Variants in SAMD12 observed in about 807,000 individuals in gnomAD.
SAMD12 encodes sterile alpha motif domain containing 12.
SAMD12 carries 9 observed loss-of-function variants against 15.0 expected under a neutral mutation model. The ratio of observed to expected loss-of-function variants is 0.60; its 90% CI spans 0.36 to 1.05. SAMD12 has a LOEUF of 1.05. Ranked by LOEUF, SAMD12 falls within the 50% of genes least tolerant of loss-of-function variation. SAMD12 has a pLI of 0.01. For synonymous variants in SAMD12, 86 were observed against 90.1 expected, an observed-to-expected ratio of 0.96 and a Z score of 0.25; for missense variants, 230 against 234.2, an observed-to-expected ratio of 0.98 and a Z score of 0.12.
intron 2 of SAMD12, among the ~76,000 whole-genome samples, chr8:118,452,422 C>T (rs1358429591): frequency 6.6e-6 from 1 of 152,156 alleles, no homozygotes; most frequent in East Asian, 1.9e-4. Flanking sequence ...TTACTTTATA[C>T]ATATTCTTAT....
chr8:118,278,913 AT>A (rs1164941397), intron 4 of SAMD12, among the ~76,000 whole-genome samples: 2 of 152,204 alleles, frequency 1.3e-5, no homozygotes, highest in African/African-American at 4.8e-5. Flanking sequence ...ACTCGAGGTG[AT>A]AAAAGGCTCT....
intron 2 of SAMD12, among the ~76,000 whole-genome samples, chr8:118,567,968 TGTTA>T (rs1156954590): frequency 3.9e-5 from 6 of 152,362 alleles, no homozygotes; most frequent in Admixed American, 2.0e-4. Flanking sequence ...TAGATATGGC[TGTTA>T]GTATCAAAGA....
chr8:118,497,333 C>T (rs2515025), intron 2 of SAMD12, among the ~76,000 whole-genome samples: 83,456 of 152,030 alleles, frequency 0.55, 24,338 homozygotes, highest in African/African-American at 0.76. Flanking sequence ...TGCCAATCAA[C>T]GGTGGACTGG....
chr8:118,240,955 C>A (rs1812549206), intron 4 of SAMD12, among the ~76,000 whole-genome samples: 1 of 152,014 alleles, frequency 6.6e-6, no homozygotes, highest in African/African-American at 2.4e-5. Context: ...CCTCTATCAC[C>A]CCATCATTCA....
At chr8:118,279,732 T>C (rs1015053337) in intron 4 of SAMD12, among the ~76,000 whole-genome samples, 2 of 152,236 alleles carry the variant, frequency 1.3e-5, no homozygotes, top group African/African-American at 4.8e-5. Context: ...ATTTTCATGT[T>C]ATAATCTGGA....
intron 4 of SAMD12, among the ~76,000 whole-genome samples, chr8:118,272,270 A>G (rs1813375490): frequency 6.6e-6 from 1 of 152,222 alleles, no homozygotes; most frequent in Non-Finnish European, 1.5e-5. Context: ...CAAGAGCCTG[A>G]GCTGTACCTT....
chr8:118,346,632 CA>C (rs1456730569), intron 4 of SAMD12, among the ~76,000 whole-genome samples: 13 of 152,184 alleles, frequency 8.5e-5, no homozygotes, highest in African/African-American at 2.9e-4. Context: ...TCTCTAAGAG[CA>C]ACCCCAGGTT....
At chr8:118,392,964 A>G (rs796896206) in intron 3 of SAMD12, among the ~76,000 whole-genome samples, 50 of 152,280 alleles carry the variant, frequency 3.3e-4, no homozygotes, top group African/African-American at 1.2e-3. Flanking sequence ...TGATTCACCA[A>G]ATGTTAACTC....
At chr8:118,368,640 C>T (rs566164998) in intron 4 of SAMD12, among the ~76,000 whole-genome samples, 9 of 152,182 alleles carry the variant, frequency 5.9e-5, no homozygotes, top group Admixed American at 1.3e-4. Context: ...TTTGTAGCTA[C>T]GTTTATTTTC....
chr8:118,553,178 C>A (rs1216627390), intron 2 of SAMD12, among the ~76,000 whole-genome samples: 1 of 152,130 alleles, frequency 6.6e-6, no homozygotes, highest in Admixed American at 6.6e-5. Flanking sequence ...TTGGAAAAAA[C>A]TACTTTAAAG....
intron 2 of SAMD12, among the ~76,000 whole-genome samples, chr8:118,537,183 T>C (rs1181967352): frequency 1.3e-5 from 2 of 152,204 alleles, no homozygotes; most frequent in Admixed American, 6.5e-5. Context: ...ATTTGTTTCT[T>C]TTCTCTTGGT....
intron 2 of SAMD12, among the ~76,000 whole-genome samples, chr8:118,468,850 T>C (rs138961252): frequency 6.6e-6 from 1 of 152,308 alleles, no homozygotes; most frequent in East Asian, 1.9e-4. Context: ...GCTAAGGAGA[T>C]ATAGCACGGT....
intron 4 of SAMD12, chr8:118,288,436 T>G (rs1453747558): frequency 1.3e-5 from 2 of 152,196 alleles, no homozygotes; most frequent in Non-Finnish European, 2.9e-5. Flanking sequence ...CCTTACACAC[T>G]CTTCCTCATC....
intron 4 of SAMD12, among the ~76,000 whole-genome samples, chr8:118,320,729 A>C (rs1454408958): frequency 6.6e-6 from 1 of 151,292 alleles, no homozygotes; most frequent in African/African-American, 2.4e-5. Context: ...TGATGAGTTA[A>C]TGGGTGCAGC....
chr8:118,330,804 A>C (rs1816771893), intron 4 of SAMD12, among the ~76,000 whole-genome samples: 1 of 152,186 alleles, frequency 6.6e-6, no homozygotes, highest in Non-Finnish European at 1.5e-5. Flanking sequence ...AGTGGTTCCC[A>C]AGCGACATGA....
At chr8:118,360,785 A>G (rs1818456463) in intron 4 of SAMD12, among the ~76,000 whole-genome samples, 1 of 152,128 alleles carries the variant, frequency 6.6e-6, no homozygotes, top group African/African-American at 2.4e-5. Context: ...TTCCAGTAAG[A>G]ATTTCTTTAA....
intron 4 of SAMD12, among the ~76,000 whole-genome samples, chr8:118,295,506 A>T (rs1814657039): frequency 2.0e-5 from 3 of 152,218 alleles, no homozygotes; most frequent in Admixed American, 6.5e-5. Flanking sequence ...ATATGAAAGT[A>T]TCAGATGCTG....
At chr8:118,558,716 G>A (rs1218580728) in intron 2 of SAMD12, among the ~76,000 whole-genome samples, 2 of 152,072 alleles carry the variant, frequency 1.3e-5, no homozygotes, top group African/African-American at 4.8e-5. Context: ...GTGCCACCAC[G>A]CCCGGCTAAT....
At chr8:118,425,723 G>GA (rs987005134) in intron 3 of SAMD12, among the ~76,000 whole-genome samples, 1 of 152,148 alleles carries the variant, frequency 6.6e-6, no homozygotes, top group Non-Finnish European at 1.5e-5. Context: ...AAAGACAGGG[G>GA]AAAAAATAAC....
Sources: allele counts gnomAD v4.1 joint callset (sites outside exome capture counted in the v4.1 genomes callset), GRCh38; gene constraint gnomAD v4.1.1; transcripts MANE v1.5; gene names NCBI Gene and HGNC (gene_info 2026-07-23, HGNC 2026-07-21).